Variants in KCNIP4 observed in about 807,000 individuals in gnomAD.
KCNIP4 encodes the protein potassium voltage-gated channel interacting protein 4.
In KCNIP4, 12 loss-of-function variants were observed where a neutral mutation model predicts 34.0. The observed-to-expected ratio is 0.35, with a 90% confidence interval of 0.23 to 0.57. The LOEUF (loss-of-function observed/expected upper bound fraction) is 0.57, where lower values mean the gene tolerates loss of function less well. Ranked by LOEUF, KCNIP4 falls within the 20% of genes least tolerant of loss-of-function variation. KCNIP4 has a pLI of 0.83. For missense variants in KCNIP4, 238 were observed against 311.7 expected, an observed-to-expected ratio of 0.76 and a Z score of 1.78; for synonymous variants, 124 against 102.2, an observed-to-expected ratio of 1.21 and a Z score of -1.29.
chr4:21,395,798 G>A (rs1004709203), intron 1 of KCNIP4, among the ~76,000 whole-genome samples: 1 of 152,056 alleles, frequency 6.6e-6, no homozygotes, highest in Non-Finnish European at 1.5e-5. Context: ...TGATGTGGGG[G>A]TAAGGTAATC....
intron 1 of KCNIP4, among the ~76,000 whole-genome samples, chr4:21,178,770 A>C (rs1560785640): frequency 6.6e-6 from 1 of 151,228 alleles, no homozygotes; most frequent in Non-Finnish European, 1.5e-5. Context: ...TGAGAAAAGG[A>C]GTCACCAGAG....
chr4:21,855,157 G>A (rs903334127), intron 1 of KCNIP4, among the ~76,000 whole-genome samples: 4 of 152,272 alleles, frequency 2.6e-5, no homozygotes, highest in Middle Eastern at 3.4e-3. Context: ...GCCGTCTATT[G>A]TTCAATTTTC....
rs114992283 is a variant in KCNIP4 at position 21,626,609 on chromosome 4, T to G, written c.61+321962A>C. Among the ~76,000 whole-genome samples the G allele has an allele frequency of 7.7e-3, 1,178 of 152,094 alleles. 16 individuals are homozygous for G. Among genetic ancestry groups the G allele is most frequent in the African/African-American group, 0.027 (1,113 of 41,496 alleles). Reference sequence around the variant, plus strand: ...TGGCAGCCCAAGCAGACTAAGATAGTAATACTAAGCACTTTGGGGCAGTGG... The same window carrying G: ...TGGCAGCCCAAGCAGACTAAGATAGGAATACTAAGCACTTTGGGGCAGTGG... On this transcript the variant is annotated intron_variant, in intron 1 of 8. Coordinates refer to ENST00000382152, the MANE Select transcript of KCNIP4 (RefSeq NM_025221.6).
chr4:21,237,322 A>G (rs1377245898), intron 1 of KCNIP4, among the ~76,000 whole-genome samples: 2 of 152,142 alleles, frequency 1.3e-5, no homozygotes, highest in South Asian at 2.1e-4. Context: ...ATGAACAAAC[A>G]CATATATAAA....
At chr4:21,072,422 T>A (rs1303588431) in intron 1 of KCNIP4, among the ~76,000 whole-genome samples, 1 of 152,338 alleles carries the variant, frequency 6.6e-6, no homozygotes, top group South Asian at 2.1e-4. Context: ...CATGTGTCTG[T>A]TGGCTGCATA....
chr4:21,942,926 T>C (rs1730286377), intron 1 of KCNIP4, among the ~76,000 whole-genome samples: 1 of 148,296 alleles, frequency 6.7e-6, no homozygotes, highest in Admixed American at 6.6e-5. Flanking sequence ...GCCCAGCTAA[T>C]TTTTGTATTT....
intron 1 of KCNIP4, among the ~76,000 whole-genome samples, chr4:20,967,131 A>G (rs940171309): frequency 4.6e-5 from 7 of 152,190 alleles, no homozygotes; most frequent in Non-Finnish European, 7.4e-5. Flanking sequence ...ATCATGACCT[A>G]TATCTTAGGG....
At chr4:20,819,771 C>T (rs892940969) in intron 3 of KCNIP4, among the ~76,000 whole-genome samples, 2 of 152,206 alleles carry the variant, frequency 1.3e-5, no homozygotes, top group African/African-American at 4.8e-5. Context: ...TCAGCTCTTC[C>T]ACCCCTTCTA....
chr4:21,458,128 T>G (rs2109765638), intron 1 of KCNIP4, among the ~76,000 whole-genome samples: 1 of 143,318 alleles, frequency 7.0e-6, no homozygotes, highest in Middle Eastern at 3.5e-3. Context: ...TATCTCCCAA[T>G]GCTATCCCTC....
intron 1 of KCNIP4, among the ~76,000 whole-genome samples, chr4:21,340,899 G>C (rs550552099): frequency 6.6e-6 from 1 of 152,244 alleles, no homozygotes; most frequent in African/African-American, 2.4e-5. Context: ...AAAAGGCTCT[G>C]TAATTTGTTA....
At chr4:20,731,361 A>C (rs1560402129) in intron 8 of KCNIP4, 1 of 981,016 alleles carries the variant, frequency 1.0e-6, no homozygotes, top group African/African-American at 1.8e-5. Context: ...GTTGTGAGCT[A>C]CTGTACCAGG....
At chr4:21,035,716 T>A (rs937444588) in intron 1 of KCNIP4, among the ~76,000 whole-genome samples, 18 of 152,204 alleles carry the variant, frequency 1.2e-4, no homozygotes, top group Admixed American at 6.5e-5. Flanking sequence ...GTACTGTTGG[T>A]GCTCTGCTCA....
chr4:21,758,860 G>A (rs1717848998), intron 1 of KCNIP4, among the ~76,000 whole-genome samples: 1 of 152,120 alleles, frequency 6.6e-6, no homozygotes, highest in Non-Finnish European at 1.5e-5. Context: ...CACTTGCAAT[G>A]TGACCTTGGG....
At chr4:21,507,661 G>A (rs1326356063) in intron 1 of KCNIP4, among the ~76,000 whole-genome samples, 3 of 152,138 alleles carry the variant, frequency 2.0e-5, no homozygotes, top group Admixed American at 6.5e-5. Flanking sequence ...ACTGCTCCTT[G>A]ACTAGAGGAA....
intron 1 of KCNIP4, among the ~76,000 whole-genome samples, chr4:21,679,572 A>G (rs530440208): frequency 6.6e-6 from 1 of 152,228 alleles, no homozygotes; most frequent in South Asian, 2.1e-4. Context: ...CTTGCCACCA[A>G]CACTCTGTGC....
At chr4:21,396,205 A>T (rs1722981335) in intron 1 of KCNIP4, among the ~76,000 whole-genome samples, 2 of 151,904 alleles carry the variant, frequency 1.3e-5, no homozygotes, top group Non-Finnish European at 2.9e-5. Flanking sequence ...ACAAAATATC[A>T]GTTCAGTCTT....
At chr4:21,608,546 T>A (rs1442086165) in intron 1 of KCNIP4, among the ~76,000 whole-genome samples, 2 of 152,224 alleles carry the variant, frequency 1.3e-5, no homozygotes, top group African/African-American at 2.4e-5. Flanking sequence ...TCTTCTGTGT[T>A]CCTCTTCTGT....
intron 1 of KCNIP4, among the ~76,000 whole-genome samples, chr4:21,343,203 T>C (rs976382654): frequency 2.0e-5 from 3 of 152,092 alleles, no homozygotes; most frequent in Non-Finnish European, 2.9e-5. Context: ...ATAGAAAAAG[T>C]TCTGCAGGTC....
intron 1 of KCNIP4, among the ~76,000 whole-genome samples, chr4:21,436,485 C>T (rs958739749): frequency 2.0e-5 from 3 of 152,136 alleles, no homozygotes; most frequent in African/African-American, 7.2e-5. Context: ...CACAGAACAC[C>T]ATTGTTTCTA....
Sources: allele counts gnomAD v4.1 joint callset (sites outside exome capture counted in the v4.1 genomes callset), GRCh38; gene constraint gnomAD v4.1.1; transcripts MANE v1.5; gene names NCBI Gene and HGNC (gene_info 2026-07-23, HGNC 2026-07-21).